Variants in MON2 observed in about 807,000 individuals in gnomAD.
MON2 encodes the protein MON2 regulator of endosome-to-Golgi trafficking.
Under a neutral mutation model 208.6 loss-of-function variants are expected in MON2, and 84 were observed. The ratio of observed to expected loss-of-function variants is 0.40; its 90% CI spans 0.34 to 0.48. The LOEUF is 0.48. Among genes scored for constraint, MON2 ranks in the 20% least tolerant of loss-of-function variants. The pLI is 0.59. For synonymous variants in MON2, 660 were observed against 694.0 expected, an observed-to-expected ratio of 0.95 and a Z score of 0.77; for missense variants, 1,611 against 2,015.4, an observed-to-expected ratio of 0.80 and a Z score of 3.84.
chr12:62,569,368 T>C (rs959950293), intron 29 of MON2, among the ~76,000 whole-genome samples: 1 of 152,200 alleles, frequency 6.6e-6, no homozygotes, highest in Non-Finnish European at 1.5e-5. Flanking sequence ...TGGGCATGCT[T>C]AATTGGAAAA....
At chr12:62,514,303 T>C (rs1265681959) in intron 8 of MON2, among the ~76,000 whole-genome samples, 1 of 152,202 alleles carries the variant, frequency 6.6e-6, no homozygotes, top group African/African-American at 2.4e-5. Flanking sequence ...TCCACATTTT[T>C]AGGTATCTTT....
intron 6 of MON2, 64 bp downstream of exon 6, chr12:62,500,944 G>T: frequency 4.3e-6 from 4 of 937,656 alleles, no homozygotes; most frequent in South Asian, 1.9e-5. Context: ...TTTTTAGTTG[G>T]GGATTTTATG....
chr12:62,500,869 A>T lies in MON2; in HGVS notation c.652A>T (p.Met218Leu), dbSNP rs768634860. ...TLKPCAKDAY[M>L]LFQDLCQLVN... The stretch of plus-strand genomic sequence containing the variant: ...CAAACCTTGTGCTAAAGATGCATAT[A>T]TGCTTTTCCAGGTATTTTAGTTGAT... The change falls in exon 6 of 35, where the codon ATG (methionine) becomes TTG (leucine). Residue 218 changes from methionine to leucine, a missense_variant. Met to Leu is a conservative substitution (Grantham distance 15). Coordinates refer to ENST00000393630, the MANE Select transcript of MON2 (RefSeq NM_015026.3). The T allele has an allele frequency of 1.3e-6, 2 of 1,552,584 alleles. No individual in the cohort carries two copies. The highest frequency in any genetic ancestry group is 1.7e-6 in the Non-Finnish European group (2 of 1,145,342).
chr12:62,525,907 G>C, intron 10 of MON2, 42 bp from the exon 11 acceptor site: 1 of 1,589,080 alleles, frequency 6.3e-7, no homozygotes, highest in Non-Finnish European at 8.6e-7. Context: ...TAGTCAAGTA[G>C]TAAATTAGTG....
At chr12:62,527,366 A>G (rs1379742540) in intron 11 of MON2, among the ~76,000 whole-genome samples, 1 of 152,162 alleles carries the variant, frequency 6.6e-6, no homozygotes, top group Non-Finnish European at 1.5e-5. Flanking sequence ...TTACAGCTTT[A>G]TTTTGCATAA....
intron 25 of MON2, chr12:62,559,913 C>T (rs981977682): frequency 1.2e-4 from 18 of 152,214 alleles, no homozygotes; most frequent in African/African-American, 4.3e-4. Flanking sequence ...TTATACTGTC[C>T]TAAGTTACGA....
intron 1 of MON2, among the ~76,000 whole-genome samples, chr12:62,474,519 G>C (rs763308480): frequency 2.6e-5 from 4 of 152,080 alleles, no homozygotes; most frequent in Non-Finnish European, 5.9e-5. Flanking sequence ...CTGCCTCCCG[G>C]GTTCGAGTGA....
chr12:62,512,162 G>A (rs994002271), intron 8 of MON2, among the ~76,000 whole-genome samples: 1 of 152,036 alleles, frequency 6.6e-6, no homozygotes, highest in African/African-American at 2.4e-5. Flanking sequence ...TTCCGCCCCT[G>A]GCCTCCCAAG....
At chr12:62,509,875 GT>G (rs34273352) in intron 8 of MON2, among the ~76,000 whole-genome samples, 16 of 148,486 alleles carry the variant, frequency 1.1e-4, no homozygotes, top group Middle Eastern at 7.1e-3. Context: ...AATGCAAGTT[GT>G]TTTTTTTTTG....
chr12:62,518,175 C>T (rs1458854407), intron 8 of MON2, among the ~76,000 whole-genome samples: 1 of 152,166 alleles, frequency 6.6e-6, no homozygotes, highest in Admixed American at 6.5e-5. Context: ...GGCACAATCC[C>T]ATTCATGAGG....
At chr12:62,578,983 C>T (rs949483438) in intron 31 of MON2, among the ~76,000 whole-genome samples, 6 of 151,940 alleles carry the variant, frequency 3.9e-5, no homozygotes, top group African/African-American at 1.5e-4. Context: ...TACTTGTAAT[C>T]CTAGTGCTTT....
At chr12:62,558,178 A>G (rs970894274) in intron 25 of MON2, among the ~76,000 whole-genome samples, 1 of 151,038 alleles carries the variant, frequency 6.6e-6, no homozygotes, top group Admixed American at 6.6e-5. Context: ...GGATTTCTTC[A>G]TGTTGGTCAG....
rs1177010283 is a variant in MON2, at chr12:62,597,571, A to C, written c.*4822A>C. ...TGCCATAAAAAACTAAAAATAAAAA[A>C]AAATTGTGACTATAACTCCTACTGT... On this transcript the variant is annotated 3_prime_UTR_variant, in exon 35 of 35. Transcript: ENST00000393630. 1 of 152,216 alleles carries C rather than the reference A, an allele frequency of 6.6e-6. No homozygotes were observed. The highest frequency in any genetic ancestry group is 1.9e-4 in the East Asian group (1 of 5,198). 9.4% of individuals were successfully genotyped at this position (152,216 alleles called of 1,614,324 possible).
rs1254942186 is a variant in MON2 at position 62,599,330 on chromosome 12, G to A, written c.*6581G>A. ...TCTTATGAGCATTTTTTTTTAATTT[G>A]GTGAAGCTGTTTTGAAACTGCCTGT... On this transcript the variant is annotated 3_prime_UTR_variant, in exon 35 of 35. Transcript: ENST00000393630. The A allele has an allele frequency of 6.6e-6, 1 of 151,842 alleles. No homozygotes were observed. The highest frequency in any genetic ancestry group is 1.9e-4 in the East Asian group (1 of 5,196). The allele number at this position is 151,842 out of a possible 1,614,324, so 9.4% of individuals were successfully genotyped here.
chr12:62,476,409 A>C (rs919361631), intron 1 of MON2, among the ~76,000 whole-genome samples: 1 of 150,056 alleles, frequency 6.7e-6, no homozygotes, highest in African/African-American at 2.4e-5. Flanking sequence ...ATATTATTTT[A>C]TCTAAGTTGC....
intron 30 of MON2, among the ~76,000 whole-genome samples, chr12:62,574,455 C>T (rs184593129): frequency 2.6e-4 from 40 of 152,156 alleles, no homozygotes; most frequent in Middle Eastern, 3.4e-3. Context: ...TGGCTCACTG[C>T]GGCCTTGACC....
chr12:62,598,174 TGGTTCACCCAG>T lies in MON2; in HGVS notation c.*5426_*5436del, dbSNP rs1280867587. 1 of 152,202 alleles carries T rather than the reference TGGTTCACCCAG, an allele frequency of 6.6e-6. No individual in the cohort carries two copies. The highest frequency in any genetic ancestry group is 1.5e-5 in the Non-Finnish European group (1 of 68,040). The allele number at this position is 152,202 out of a possible 1,614,324, so 9.4% of individuals were successfully genotyped here. Reference sequence around the variant, plus strand: ...GGAGTGTATTTGGTGTCTGTGTGATTGGTTCACCCAGAGGTCACCCAGAGGTCAATTGAAAC... The same window carrying T: ...GGAGTGTATTTGGTGTCTGTGTGATTAGGTCACCCAGAGGTCAATTGAAAC... On this transcript the variant is annotated 3_prime_UTR_variant, in exon 35 of 35. Coordinates refer to ENST00000393630, the MANE Select transcript of MON2 (RefSeq NM_015026.3).
In MON2 at chr12:62,516,522, T is replaced by C. The variant is rs1300810451; in HGVS notation, c.985-7993T>C. Among the ~76,000 whole-genome samples the C allele has an allele frequency of 2.0e-5, 3 of 152,118 alleles. No individual in the cohort carries two copies. In the East Asian group the frequency reaches 5.8e-4, roughly 29 times the overall value. Reference sequence around the variant, plus strand: ...GAGTTCAAGACCAGCCTGACCAACATGGAGAAACACTGTCTCTACTAAAAA... The same window carrying C: ...GAGTTCAAGACCAGCCTGACCAACACGGAGAAACACTGTCTCTACTAAAAA... On this transcript the variant is annotated intron_variant, in intron 8 of 34. Transcript: ENST00000393630.
At chr12:62,483,469 G>C (rs2069567438) in intron 1 of MON2, among the ~76,000 whole-genome samples, 1 of 152,244 alleles carries the variant, frequency 6.6e-6, no homozygotes, top group Non-Finnish European at 1.5e-5. Context: ...GGGAGGCTGA[G>C]ATGGGTGGAT....
Sources: gnomAD v4.1 joint callset for allele counts (sites outside exome capture counted in the v4.1 genomes callset) on GRCh38, gnomAD v4.1.1 for gene constraint, MANE v1.5 for transcripts, NCBI Gene and HGNC (gene_info 2026-07-23, HGNC 2026-07-21) for gene names.